RBFOX1: variants seen among roughly 807,000 people sequenced by gnomAD.
RBFOX1 encodes RNA binding fox-1 homolog 1.
In RBFOX1, 8 loss-of-function variants were observed where a neutral mutation model predicts 57.7. That is an observed-to-expected ratio of 0.14 (90% CI 0.08 to 0.25). The LOEUF is 0.25. Ranked by LOEUF, RBFOX1 falls within the 10% of genes least tolerant of loss-of-function variation. The pLI, the probability that RBFOX1 is intolerant of heterozygous loss-of-function variation, is 1.00. For missense variants in RBFOX1, 611 were observed against 548.5 expected, an observed-to-expected ratio of 1.11 and a Z score of -1.14; for synonymous variants, 326 against 222.4, an observed-to-expected ratio of 1.47 and a Z score of -4.15.
At chr16:7,198,725 A>G (rs577271145) in intron 4 of RBFOX1, among the ~76,000 whole-genome samples, 2 of 152,316 alleles carry the variant, frequency 1.3e-5, no homozygotes, top group South Asian at 4.1e-4. Context: ...CTGCAGCAGT[A>G]ATGACTTTAT....
chr16:6,110,195 C>CTTTTTTTTTTTTTTTTTTTTTTCTT (rs3049169), intron 1 of RBFOX1, among the ~76,000 whole-genome samples: 2 of 128,258 alleles, frequency 1.6e-5, no homozygotes, highest in African/African-American at 2.9e-5. Context: ...TTTTCTTCTT[C>CTTTTTTTTTTTTTTTTTTTTTTCTT]TTTTTTTTTT....
intron 3 of RBFOX1, among the ~76,000 whole-genome samples, chr16:5,626,282 T>C (rs1392646500): frequency 2.0e-5 from 3 of 152,200 alleles, no homozygotes; most frequent in Admixed American, 6.5e-5. Context: ...GGTTGGTTTC[T>C]TCTGCAGCCT....
chr16:6,615,193 T>A (rs1464681467), intron 2 of RBFOX1, among the ~76,000 whole-genome samples: 3 of 152,222 alleles, frequency 2.0e-5, no homozygotes, highest in African/African-American at 7.2e-5. Flanking sequence ...TGGCATTTTT[T>A]ACTCTATAAA....
At chr16:6,679,774 C>G (rs925797050) in intron 3 of RBFOX1, among the ~76,000 whole-genome samples, 11 of 151,506 alleles carry the variant, frequency 7.3e-5, no homozygotes, top group African/African-American at 2.4e-4. Flanking sequence ...ACTTCCCTTC[C>G]TTTCTGTTTT....
At chr16:6,123,242 G>T (rs1266167016) in intron 1 of RBFOX1, among the ~76,000 whole-genome samples, 1 of 152,160 alleles carries the variant, frequency 6.6e-6, no homozygotes, top group African/African-American at 2.4e-5. Flanking sequence ...CCAAAAGGTG[G>T]AAACAACCCA....
intron 3 of RBFOX1, among the ~76,000 whole-genome samples, chr16:5,748,004 G>A (rs1214529562): frequency 6.6e-6 from 1 of 151,956 alleles, no homozygotes; most frequent in Non-Finnish European, 1.5e-5. Context: ...TTTCTGTTGT[G>A]GGCATTTAGT....
At chr16:7,274,629 G>A (rs926233615) in intron 4 of RBFOX1, among the ~76,000 whole-genome samples, 8 of 143,540 alleles carry the variant, frequency 5.6e-5, no homozygotes, top group African/African-American at 1.8e-4. Flanking sequence ...GAGGTCATTA[G>A]TTTTTATTTA....
chr16:5,893,187 T>A (rs2058085961), intron 4 of RBFOX1, among the ~76,000 whole-genome samples: 1 of 152,206 alleles, frequency 6.6e-6, no homozygotes, highest in South Asian at 2.1e-4. Flanking sequence ...GCTCCAGAAG[T>A]ATGCTCCTCA....
In RBFOX1 at chr16:5,313,109, C is replaced by G. The variant is rs1489912655; in HGVS notation, c.219+73004C>G. Among the ~76,000 whole-genome samples the G allele has an allele frequency of 3.9e-5, 6 of 152,306 alleles. 1 individual carries two copies. In the South Asian group the frequency reaches 6.2e-4, roughly 16 times the overall value. ...GTTTGATTTTGTCTTCACAGCCACC[C>G]TGCAAGGTGGATACCGTTGCCCCCA... On this transcript the variant is annotated intron_variant, in intron 1 of 2. Transcript: ENST00000585867.
chr16:5,273,741 G>T (rs2063073465), intron 1 of RBFOX1, among the ~76,000 whole-genome samples: 1 of 152,150 alleles, frequency 6.6e-6, no homozygotes, highest in Non-Finnish European at 1.5e-5. Context: ...GCTGTGAGGA[G>T]GGTCTTGATA....
intron 4 of RBFOX1, among the ~76,000 whole-genome samples, chr16:7,459,746 A>G (rs1001109668): frequency 2.0e-5 from 3 of 152,192 alleles, no homozygotes; most frequent in Non-Finnish European, 2.9e-5. Flanking sequence ...TCCCAGATGC[A>G]GTTTGATTTG....
Position 6,974,411 on chromosome 16 carries a change from C to A in RBFOX1, c.-15-77646C>A, listed in dbSNP as rs146519805. ...CCAGGCTGGAGTGCAATGGTACAAT[C>A]TCAGTTCACTGCAACTTTCGCCTCC... On this transcript the variant is annotated intron_variant, in intron 3 of 15. Coordinates refer to ENST00000550418, the MANE Select transcript of RBFOX1 (RefSeq NM_018723.4). Among the ~76,000 whole-genome samples the A allele has an allele frequency of 6.8e-3, 828 of 122,238 alleles. 3 individuals are homozygous for A. Among genetic ancestry groups the A allele is most frequent in the African/African-American group, 0.024 (769 of 32,610 alleles). 80.2% of individuals were successfully genotyped at this position (122,238 alleles called of 152,430 possible).
intron 3 of RBFOX1, among the ~76,000 whole-genome samples, chr16:5,760,958 T>C (rs144113876): frequency 7.9e-5 from 12 of 152,348 alleles, no homozygotes; most frequent in African/African-American, 2.2e-4. Context: ...CACTGAATTA[T>C]TCACTTTAAA....
chr16:5,366,897 A>T (rs1002087190), intron 1 of RBFOX1, among the ~76,000 whole-genome samples: 1 of 152,196 alleles, frequency 6.6e-6, no homozygotes, highest in African/African-American at 2.4e-5. Flanking sequence ...GCTTGGTCTT[A>T]AGTATGAATG....
intron 4 of RBFOX1, among the ~76,000 whole-genome samples, chr16:7,212,540 A>C (rs1215668136): frequency 6.6e-6 from 1 of 152,190 alleles, no homozygotes; most frequent in Non-Finnish European, 1.5e-5. Context: ...TAATGGGATC[A>C]GTCCTGGGCA....
chr16:6,942,757 C>T (rs997835173), intron 3 of RBFOX1, among the ~76,000 whole-genome samples: 1 of 152,122 alleles, frequency 6.6e-6, no homozygotes, highest in Admixed American at 6.5e-5. Flanking sequence ...GACTCACAAG[C>T]AGGTAAAAAA....
chr16:5,785,811 G>A (rs2054481521), intron 3 of RBFOX1, among the ~76,000 whole-genome samples: 1 of 152,114 alleles, frequency 6.6e-6, no homozygotes, highest in South Asian at 2.1e-4. Flanking sequence ...ATAGACATGA[G>A]CCTCTGCACC....
chr16:6,898,112 A>ACCG (rs1478197841), intron 3 of RBFOX1, among the ~76,000 whole-genome samples: 1 of 152,158 alleles, frequency 6.6e-6, no homozygotes, highest in Non-Finnish European at 1.5e-5. Context: ...TAAATTCCAC[A>ACCG]CCATATTCAG....
intron 4 of RBFOX1, among the ~76,000 whole-genome samples, chr16:7,412,974 G>A (rs1383984549): frequency 6.6e-6 from 1 of 152,002 alleles, no homozygotes; most frequent in African/African-American, 2.4e-5. Context: ...CCCGGGAGGC[G>A]GAGCTTGCAG....
Sources: gnomAD v4.1 joint callset for allele counts (sites outside exome capture counted in the v4.1 genomes callset) on GRCh38, gnomAD v4.1.1 for gene constraint, MANE v1.5 for transcripts, NCBI Gene and HGNC (gene_info 2026-07-23, HGNC 2026-07-21) for gene names.